NKAIN2: variants seen among roughly 807,000 people sequenced by gnomAD.
The protein encoded by NKAIN2 is sodium/potassium transporting ATPase interacting 2.
NKAIN2 carries 14 observed loss-of-function variants against 32.6 expected under a neutral mutation model. The observed-to-expected ratio is 0.43, with a 90% CI of 0.28 to 0.67. The LOEUF is 0.67. NKAIN2 is among the 30% of genes least tolerant of loss of function. The pLI, the probability that NKAIN2 is intolerant of heterozygous loss-of-function variation, is 0.17. For missense variants in NKAIN2, 198 were observed against 258.3 expected, an observed-to-expected ratio of 0.77 and a Z score of 1.60; for synonymous variants, 80 against 87.2, an observed-to-expected ratio of 0.92 and a Z score of 0.46.
chr6:123,996,665 C>G (rs1185029122), intron 1 of NKAIN2, among the ~76,000 whole-genome samples: 1 of 152,076 alleles, frequency 6.6e-6, no homozygotes, highest in Non-Finnish European at 1.5e-5. Context: ...TTTTGGACAT[C>G]TGAACATACT....
At chr6:124,257,812 C>G in intron 1 of NKAIN2, among the ~76,000 whole-genome samples, 1 of 132,372 alleles carries the variant, frequency 7.6e-6, no homozygotes, top group Non-Finnish European at 1.6e-5. Context: ...GGGTTTCACT[C>G]TTGTTGCCCA....
chr6:124,001,162 T>A (rs564947394), intron 1 of NKAIN2, among the ~76,000 whole-genome samples: 1 of 152,164 alleles, frequency 6.6e-6, no homozygotes, highest in Non-Finnish European at 1.5e-5. Flanking sequence ...AATCTGTTTT[T>A]ATTTTTTTGC....
intron 3 of NKAIN2, among the ~76,000 whole-genome samples, chr6:124,431,675 C>G (rs1457964177): frequency 1.3e-5 from 2 of 151,840 alleles, no homozygotes. Flanking sequence ...TGATTTAAAC[C>G]AATGATTTAA....
intron 4 of NKAIN2, among the ~76,000 whole-genome samples, chr6:124,676,962 T>TGTC (rs932350275): frequency 6.6e-6 from 1 of 152,080 alleles, no homozygotes; most frequent in Non-Finnish European, 1.5e-5. Flanking sequence ...TTGTTGTTGT[T>TGTC]GTCGTTGTTG....
intron 1 of NKAIN2, among the ~76,000 whole-genome samples, chr6:124,206,943 A>G (rs1370432509): frequency 6.6e-6 from 1 of 151,796 alleles, no homozygotes; most frequent in Non-Finnish European, 1.5e-5. Context: ...TCCTCTCTCC[A>G]TTAAAAAGTT....
At chr6:123,954,268 C>G (rs557311898) in intron 1 of NKAIN2, among the ~76,000 whole-genome samples, 2 of 152,172 alleles carry the variant, frequency 1.3e-5, no homozygotes, top group Non-Finnish European at 2.9e-5. Context: ...TGGGATACAG[C>G]GTGAGCTCCC....
At chr6:123,965,638 A>G (rs1778037084) in intron 1 of NKAIN2, among the ~76,000 whole-genome samples, 1 of 152,154 alleles carries the variant, frequency 6.6e-6, no homozygotes, top group Non-Finnish European at 1.5e-5. Flanking sequence ...CACAATAGCC[A>G]TCTTGGACCT....
chr6:124,755,149 G>A (rs1777903232), intron 4 of NKAIN2, among the ~76,000 whole-genome samples: 2 of 152,140 alleles, frequency 1.3e-5, no homozygotes, highest in African/African-American at 2.4e-5. Flanking sequence ...GACTGTAGCT[G>A]AAGGCCTGAG....
rs567116686 is a variant in NKAIN2, at chr6:124,703,735, A to G, written c.474+45349A>G. On this transcript the variant is annotated intron_variant, in intron 4 of 6. Coordinates refer to ENST00000368417, the MANE Select transcript of NKAIN2 (RefSeq NM_001040214.3). Reference sequence around the variant, plus strand: ...TGCTGGCTCTGACATATCTGTTAGGAAATAAACAATCTTCTCAGAATACAA... The same window carrying G: ...TGCTGGCTCTGACATATCTGTTAGGGAATAAACAATCTTCTCAGAATACAA... Among the ~76,000 whole-genome samples, 12 of 152,174 alleles carry G rather than the reference A, an allele frequency of 7.9e-5. No homozygotes were observed. The East Asian group carries it at 2.3e-3, about 29-fold the overall frequency.
At chr6:124,814,203 G>C (rs570611894) in intron 5 of NKAIN2, among the ~76,000 whole-genome samples, 1 of 152,140 alleles carries the variant, frequency 6.6e-6, no homozygotes, top group Non-Finnish European at 1.5e-5. Flanking sequence ...TGTAATGGTT[G>C]GTTGGATCCA....
At chr6:124,166,442 A>G (rs929120035) in intron 1 of NKAIN2, among the ~76,000 whole-genome samples, 13 of 151,538 alleles carry the variant, frequency 8.6e-5, no homozygotes, top group African/African-American at 2.7e-4. Context: ...AGTAGGTTGC[A>G]AAAATTTTCT....
chr6:124,510,144 G>A (rs543843419), intron 3 of NKAIN2, among the ~76,000 whole-genome samples: 114 of 116,002 alleles, frequency 9.8e-4, no homozygotes, highest in Middle Eastern at 4.3e-3. Context: ...AATCCTTAGT[G>A]CTTTGGGAAA....
At chr6:124,571,620 T>C (rs1339986602) in intron 3 of NKAIN2, among the ~76,000 whole-genome samples, 1 of 152,196 alleles carries the variant, frequency 6.6e-6, no homozygotes, top group Non-Finnish European at 1.5e-5. Context: ...CTCAGCCACG[T>C]GGAACTGTAA....
chr6:124,500,012 A>G (rs1778223071), intron 3 of NKAIN2, among the ~76,000 whole-genome samples: 1 of 152,202 alleles, frequency 6.6e-6, no homozygotes, highest in South Asian at 2.1e-4. Context: ...AATATTACCA[A>G]TCTATTGCTA....
chr6:124,522,285 T>G (rs1779145943), intron 3 of NKAIN2, among the ~76,000 whole-genome samples: 1 of 152,232 alleles, frequency 6.6e-6, no homozygotes, highest in African/African-American at 2.4e-5. Context: ...TATGTTACTA[T>G]TCAGCATGTA....
At chr6:124,031,081 T>TA (rs1781380172) in intron 1 of NKAIN2, among the ~76,000 whole-genome samples, 2 of 152,096 alleles carry the variant, frequency 1.3e-5, no homozygotes, top group Non-Finnish European at 2.9e-5. Flanking sequence ...ACTGGGTTTT[T>TA]AAAAAAATAA....
chr6:123,829,300 C>T (rs1315403203), intron 1 of NKAIN2: 1 of 152,144 alleles, frequency 6.6e-6, no homozygotes. Flanking sequence ...CCCTTGAGCT[C>T]TAGGTCTAAT....
intron 1 of NKAIN2, among the ~76,000 whole-genome samples, chr6:124,085,290 C>G (rs966784532): frequency 6.6e-6 from 1 of 151,878 alleles, no homozygotes; most frequent in Admixed American, 6.6e-5. Flanking sequence ...ATGTTGAGAA[C>G]TATAATTTTG....
At chr6:123,868,223 C>T (rs956820988) in intron 1 of NKAIN2, among the ~76,000 whole-genome samples, 13 of 152,106 alleles carry the variant, frequency 8.5e-5, no homozygotes, top group African/African-American at 3.1e-4. Flanking sequence ...GCTCTAAGCT[C>T]CCTGGAGGCA....
Sources: gnomAD v4.1 joint callset for allele counts (sites outside exome capture counted in the v4.1 genomes callset) on GRCh38, gnomAD v4.1.1 for gene constraint, MANE v1.5 for transcripts, NCBI Gene and HGNC (gene_info 2026-07-23, HGNC 2026-07-21) for gene names.